The following ZNF208 variants were observed in gnomAD, a reference collection of about 807,000 sequenced individuals.
The protein encoded by ZNF208 is zinc finger protein 95.
ZNF208 carries 10 observed loss-of-function variants against 12.1 expected under a neutral mutation model. The observed-to-expected ratio is 0.83, with a 90% CI of 0.51 to 1.40. The LOEUF (loss-of-function observed/expected upper bound fraction) is 1.40, where lower values mean the gene tolerates loss of function less well. Among genes scored for constraint, ZNF208 ranks in the 40% most tolerant of loss-of-function variants. The pLI, the probability that ZNF208 is intolerant of heterozygous loss-of-function variation, is 0.00. For missense variants in ZNF208, 1,652 were observed against 1,485.0 expected (o/e 1.11, Z -1.85); for synonymous variants, 497 against 488.4 (o/e 1.02, Z -0.23).
At chr19:21,958,692 C>A (rs553556818) in intron 4 of ZNF208, among the ~76,000 whole-genome samples, 48 of 152,202 alleles carry the variant, frequency 3.2e-4, no homozygotes, top group South Asian at 1.5e-3. Context: ...TGCATAAACA[C>A]ATGTTTCTTC....
At chr19:21,989,820 A>T (rs950938577) in intron 1 of ZNF208, among the ~76,000 whole-genome samples, 8 of 152,044 alleles carry the variant, frequency 5.3e-5, no homozygotes, top group East Asian at 1.9e-4. Flanking sequence ...GATTTGCATT[A>T]CTCTGATGGC....
intron 4 of ZNF208, among the ~76,000 whole-genome samples, chr19:21,952,355 T>A (rs1370249151): frequency 2.0e-5 from 3 of 152,176 alleles, no homozygotes; most frequent in African/African-American, 7.2e-5. Flanking sequence ...CTCAAGTCAA[T>A]CCCTGACCCC....
chr19:21,973,295 G>A lies in ZNF208; in HGVS notation c.1739C>T (p.Pro580Leu), dbSNP rs766274492. The A allele has an allele frequency of 1.9e-6, 3 of 1,610,672 alleles. No homozygotes were observed. Among genetic ancestry groups the A allele is most frequent in the Non-Finnish European group, 2.5e-6 (3 of 1,178,528 alleles). The change falls in exon 4 of 4, where the codon CCC (proline) becomes CTC (leucine). Residue 580 changes from proline (P) to leucine (L), a missense_variant. Transcript: ENST00000397126. ...TTTGCCACATTCTTCACATTTGTAG[G>A]GTTTCTCTACAGTATGAATTTTCTT... ...YHKKIHTVEK[P>L]YKCEECGKAF... is the part of the protein sequence containing the mutation.
chr19:21,969,619 G>T lies in ZNF208; in HGVS notation c.*1572C>A, dbSNP rs1282290332. Among the ~76,000 whole-genome samples the T allele has an allele frequency of 6.6e-6, 1 of 151,984 alleles. No homozygotes were observed. The highest frequency in any genetic ancestry group is 1.5e-5 in the Non-Finnish European group (1 of 67,974). ...ATGTTTTTCCAAATTTATTAAATTT[G>T]CAGGGTTATTCTTCAATATAAATTC... On this transcript the variant is annotated 3_prime_UTR_variant, in exon 4 of 4. Transcript: ENST00000397126.
chr19:21,974,156 G>A lies in ZNF208; in HGVS notation c.878C>T (p.Ala293Val). The stretch of plus-strand genomic sequence containing the variant: ...AGTAAGAGTCGAGACCTTACTAAAG[G>A]CTTTGCCACATTCTTCACATTTGTT... Reference protein sequence around the residue: ...KPNKCEECGKAFSKVSTLTTH... With the variant: ...KPNKCEECGKVFSKVSTLTTH... Residue 293 changes from alanine (A) to valine (V), a missense_variant, in exon 4 of 4, where the codon GCC (alanine) becomes GTC (valine). Physicochemically the swap from Ala to Val is moderately conservative, Grantham distance 64. Around this residue, in one of 3 missense-constraint regions of ZNF208, gnomAD observed 410 missense variants for 378.2 expected, o/e 1.08. Transcript: ENST00000397126. 1 of 1,611,252 alleles carries A rather than the reference G, an allele frequency of 6.2e-7. No homozygotes were observed. The highest frequency in any genetic ancestry group is 2.2e-5 in the East Asian group (1 of 44,752).
At chr19:21,958,026 C>G (rs572142696) in intron 4 of ZNF208, among the ~76,000 whole-genome samples, 9 of 151,988 alleles carry the variant, frequency 5.9e-5, no homozygotes, top group Admixed American at 5.9e-4. Flanking sequence ...TGATGTTTCC[C>G]TTCCTGTGTC....
Position 21,969,026 on chromosome 19 carries a change from T to C in ZNF208, c.*2165A>G, listed in dbSNP as rs186629055. Among the ~76,000 whole-genome samples, 540 of 152,116 alleles carry C rather than the reference T, an allele frequency of 3.5e-3. 3 individuals are homozygous for C. Among genetic ancestry groups the C allele is most frequent in the South Asian group, 0.029 (138 of 4,826 alleles). On this transcript the variant is annotated 3_prime_UTR_variant, in exon 4 of 4. Coordinates refer to ENST00000397126, the MANE Select transcript of ZNF208 (RefSeq NM_007153.3). ...GGTGAAACCCCATCTGTACTAAAAATACAAAAAATTAGCTGGGAGTGGCGG... is the reference window on the plus strand; with the variant it reads ...GGTGAAACCCCATCTGTACTAAAAACACAAAAAATTAGCTGGGAGTGGCGG...
intron 3 of ZNF208, among the ~76,000 whole-genome samples, chr19:21,986,283 C>A (rs117325533): frequency 4.6e-5 from 7 of 151,912 alleles, no homozygotes; most frequent in Admixed American, 1.3e-4. Flanking sequence ...ATAAACAGTA[C>A]ATTAAAACCT....
At chr19:21,984,468 G>T in intron 3 of ZNF208, among the ~76,000 whole-genome samples, 1 of 152,176 alleles carries the variant, frequency 6.6e-6, no homozygotes, top group Non-Finnish European at 1.5e-5. Flanking sequence ...CAGGGGAATC[G>T]CTTGAACCCA....
chr19:22,002,606 AAAG>A (rs1328859202), intron 1 of ZNF208, among the ~76,000 whole-genome samples: 1 of 151,976 alleles, frequency 6.6e-6, no homozygotes, highest in Admixed American at 6.6e-5. Flanking sequence ...CTGCCACAGA[AAAG>A]AATAATATAT....
chr19:21,974,033 ATTGCC>A lies in ZNF208; in HGVS notation c.996_1000del (p.Lys332AsnfsTer11). On this transcript the variant is annotated frameshift_variant, in exon 4 of 4. Transcript: ENST00000397126. LOFTEE classifies it low-confidence loss of function (END_TRUNC). ...TTTGTAGGGCTTCTCTCCAGCATGAATTGCCTTATGTGTAATAAGGGTTGAGACCT... is the reference window on the plus strand; with the variant it reads ...TTTGTAGGGCTTCTCTCCAGCATGAATTATGTGTAATAAGGGTTGAGACCT... The A allele has an allele frequency of 3.7e-6, 5 of 1,347,686 alleles. No homozygotes were observed. Among genetic ancestry groups the A allele is most frequent in the Non-Finnish European group, 3.9e-6 (4 of 1,015,226 alleles). 83.5% of individuals were successfully genotyped at this position (1,347,686 alleles called of 1,614,324 possible).
At chr19:21,960,453 TGTACA>T (rs1599605891) in intron 4 of ZNF208, among the ~76,000 whole-genome samples, 1 of 152,294 alleles carries the variant, frequency 6.6e-6, no homozygotes, top group East Asian at 1.9e-4. Flanking sequence ...TCAACCTAAG[TGTACA>T]TCAACAGGTA....
chr19:21,948,812 G>C (rs1969851589), intron 4 of ZNF208, among the ~76,000 whole-genome samples: 1 of 151,960 alleles, frequency 6.6e-6, no homozygotes, highest in Non-Finnish European at 1.5e-5. Flanking sequence ...AAAACAAACA[G>C]TAGGTTACCT....
chr19:22,001,852 C>G (rs1289239827), intron 1 of ZNF208, among the ~76,000 whole-genome samples: 1 of 130,852 alleles, frequency 7.6e-6, no homozygotes, highest in Non-Finnish European at 1.6e-5. Context: ...AAGATTGCAC[C>G]ACTACACTCC....
chr19:21,962,682 T>G (rs535431566), downstream of ZNF208, among the ~76,000 whole-genome samples: 184 of 152,188 alleles, frequency 1.2e-3, 1 homozygote, highest in Middle Eastern at 3.4e-3. Flanking sequence ...AGAAAAGCAG[T>G]TTTCTAGCAT....
chr19:22,002,573 C>T (rs1226764771), intron 1 of ZNF208, among the ~76,000 whole-genome samples: 3 of 151,704 alleles, frequency 2.0e-5, no homozygotes, highest in East Asian at 1.9e-4. Context: ...AAATCCGAAT[C>T]GAAAACACAA....
chr19:21,954,579 C>G (rs764063846), intron 4 of ZNF208, among the ~76,000 whole-genome samples: 1 of 152,116 alleles, frequency 6.6e-6, no homozygotes, highest in Non-Finnish European at 1.5e-5. Flanking sequence ...ATCCCTTTAC[C>G]ATTATGTAAT....
Position 21,969,921 on chromosome 19 carries a change from CCAGA to C in ZNF208, c.*1266_*1269del, listed in dbSNP as rs1293145739. On this transcript the variant is annotated 3_prime_UTR_variant, in exon 4 of 4. Coordinates refer to ENST00000397126, the MANE Select transcript of ZNF208 (RefSeq NM_007153.3). ...CTGGCATTAACAAAAATTTTTTTTT[CCAGA>C]CAGTCTCTCTCTGTTGCCCAGGCTA... Among the ~76,000 whole-genome samples, 6 of 151,728 alleles carry C rather than the reference CCAGA, an allele frequency of 4.0e-5. No homozygotes were observed. The highest frequency in any genetic ancestry group is 7.4e-5 in the Non-Finnish European group (5 of 67,920).
At chr19:21,956,805 C>G (rs371868460) in intron 4 of ZNF208, among the ~76,000 whole-genome samples, 1 of 152,128 alleles carries the variant, frequency 6.6e-6, no homozygotes, top group Non-Finnish European at 1.5e-5. Flanking sequence ...TGATGTCCCA[C>G]CCTGCTTCGG....
Sources: gnomAD v4.1 joint callset for allele counts (sites outside exome capture counted in the v4.1 genomes callset) on GRCh38, gnomAD v4.1.1 for gene constraint, gnomAD v4.1.1 regional missense constraint, MANE v1.5 for transcripts, NCBI Gene and HGNC (gene_info 2026-07-23, HGNC 2026-07-21) for gene names.